MAPK8: variants seen among roughly 807,000 people sequenced by gnomAD.
MAPK8 encodes the protein JUN N-terminal kinase.
MAPK8 carries 13 observed loss-of-function variants against 52.9 expected under a neutral mutation model. That is an observed-to-expected ratio of 0.25 (90% CI 0.16 to 0.39). The LOEUF is 0.39. Ranked by LOEUF, MAPK8 falls within the 10% of genes least tolerant of loss-of-function variation. MAPK8 has a pLI of 1.00. For missense variants in MAPK8, 300 were observed against 519.2 expected (o/e 0.58, Z 4.10); for synonymous variants, 191 against 169.8 (o/e 1.12, Z -0.97).
intron 3 of MAPK8, among the ~76,000 whole-genome samples, chr10:48,406,176 G>T (rs2042459015): frequency 6.6e-6 from 1 of 152,168 alleles, no homozygotes; most frequent in Non-Finnish European, 1.5e-5. Context: ...CAGAGAGGAA[G>T]AATGACGTAA....
chr10:48,361,779 T>A lies in MAPK8; in HGVS notation c.-49-39833T>A, dbSNP rs568706908. Reference sequence around the variant, plus strand: ...TACATATAGGTCTTCCCTAAGGTGCTGTCCTTAGTCTGCATCTTTCTTCTT... The same window carrying A: ...TACATATAGGTCTTCCCTAAGGTGCAGTCCTTAGTCTGCATCTTTCTTCTT... On this transcript the variant is annotated intron_variant, in intron 1 of 11. Coordinates refer to ENST00000374189, the MANE Select transcript of MAPK8 (RefSeq NM_001323329.2). Among the ~76,000 whole-genome samples, 5 of 152,320 alleles carry A rather than the reference T, an allele frequency of 3.3e-5. No individual in the cohort carries two copies. In the East Asian group the frequency reaches 9.6e-4, roughly 29 times the overall value.
rs558540136 is a variant in MAPK8, at chr10:48,429,244, G to A, written c.1061-1949G>A. ...GTGCCACAAAGAAAAAAACACCTTC[G>A]GTTGTACAGCACCATTGGTTATAAG... On this transcript the variant is annotated intron_variant, in intron 10 of 11. Transcript: ENST00000374189. 5.5e-4 allele frequency among the ~76,000 whole-genome samples: 83 copies of A among 152,220 alleles called. 1 individual carries two copies. Among genetic ancestry groups the A allele is most frequent in the South Asian group, 1.2e-3 (6 of 4,828 alleles).
At chr10:48,339,860 C>T (rs954013511) in intron 1 of MAPK8, among the ~76,000 whole-genome samples, 1 of 152,196 alleles carries the variant, frequency 6.6e-6, no homozygotes, top group Non-Finnish European at 1.5e-5. Context: ...GATACCATCT[C>T]ATAGCAGTTA....
chr10:48,382,653 C>T (rs2132745964), intron 1 of MAPK8, among the ~76,000 whole-genome samples: 1 of 151,308 alleles, frequency 6.6e-6, no homozygotes, highest in East Asian at 1.9e-4. Context: ...TTAAGCTTTC[C>T]AAAAGGCCAA....
chr10:48,427,922 A>G (rs1413294714), intron 10 of MAPK8, among the ~76,000 whole-genome samples: 2 of 152,210 alleles, frequency 1.3e-5, no homozygotes, highest in Non-Finnish European at 2.9e-5. Flanking sequence ...GACCATTTAA[A>G]TTGTGTCCAG....
chr10:48,391,528 G>A (rs1280992523), intron 1 of MAPK8, among the ~76,000 whole-genome samples: 1 of 152,114 alleles, frequency 6.6e-6, no homozygotes, highest in East Asian at 1.9e-4. Flanking sequence ...GGTGAATGTG[G>A]AAAAACTCAA....
chr10:48,331,633 C>A (rs1378600137), intron 1 of MAPK8, among the ~76,000 whole-genome samples: 6 of 152,202 alleles, frequency 3.9e-5, no homozygotes, highest in African/African-American at 1.4e-4. Flanking sequence ...TTAATCAGCA[C>A]CAAGTTGCCA....
chr10:48,411,168 A>G (rs1386173174), intron 5 of MAPK8, among the ~76,000 whole-genome samples: 4 of 152,198 alleles, frequency 2.6e-5, no homozygotes, highest in South Asian at 4.1e-4. Flanking sequence ...TGCTTTTGGT[A>G]TCATGTATAA....
chr10:48,390,547 T>C (rs2041565446), intron 1 of MAPK8, among the ~76,000 whole-genome samples: 1 of 152,236 alleles, frequency 6.6e-6, no homozygotes, highest in African/African-American at 2.4e-5. Flanking sequence ...AAAGTCTGGC[T>C]ATATGGTTGC....
rs77510203 is a variant in MAPK8, at chr10:48,342,749, G to A, written c.-50+35928G>A. On this transcript the variant is annotated intron_variant, in intron 1 of 11. Transcript: ENST00000374189. ...TTCTACCGTTTGCTGAGACAACACC[G>A]GAAGAGGACCAGATTGGTTTTTGGA... is the stretch of plus-strand genomic sequence containing the variant. Among the ~76,000 whole-genome samples, 28 of 152,282 alleles carry A rather than the reference G, an allele frequency of 1.8e-4. No homozygotes were observed. In the East Asian group the frequency reaches 3.9e-3, roughly 21 times the overall value.
At chr10:48,384,083 C>T (rs758747721) in intron 1 of MAPK8, among the ~76,000 whole-genome samples, 3 of 152,116 alleles carry the variant, frequency 2.0e-5, no homozygotes, top group Non-Finnish European at 4.4e-5. Context: ...GAGATCCCGT[C>T]TCTACTAAAA....
intron 1 of MAPK8, among the ~76,000 whole-genome samples, chr10:48,372,169 A>G (rs955415095): frequency 2.0e-5 from 3 of 152,080 alleles, no homozygotes; most frequent in African/African-American, 7.2e-5. Context: ...AGGTTGGAGT[A>G]GGACCGAAAG....
chr10:48,308,979 G>A (rs2132046245), intron 1 of MAPK8, among the ~76,000 whole-genome samples: 1 of 152,290 alleles, frequency 6.6e-6, no homozygotes, highest in Admixed American at 6.5e-5. Context: ...CTGTAAAGTG[G>A]AAATGAAGAA....
intron 6 of MAPK8, among the ~76,000 whole-genome samples, 171 bp from the exon 7 acceptor site, chr10:48,423,917 G>C (rs918230845): frequency 6.6e-6 from 1 of 152,122 alleles, no homozygotes; most frequent in African/African-American, 2.4e-5. Context: ...TTGTGAACCA[G>C]ACTTTCAAAA....
intron 1 of MAPK8, among the ~76,000 whole-genome samples, chr10:48,387,043 G>A (rs951980721): frequency 1.3e-5 from 2 of 152,198 alleles, no homozygotes; most frequent in East Asian, 1.9e-4. Flanking sequence ...GCATCATTTT[G>A]TGGTTAGAAT....
chr10:48,365,947 G>A (rs1240561183), intron 1 of MAPK8, among the ~76,000 whole-genome samples: 1 of 152,076 alleles, frequency 6.6e-6, no homozygotes. Flanking sequence ...AGAATATATA[G>A]TAATTTACTG....
At chr10:48,422,529 A>G (rs1589259504) in intron 6 of MAPK8, among the ~76,000 whole-genome samples, 1 of 152,334 alleles carries the variant, frequency 6.6e-6, no homozygotes, top group East Asian at 1.9e-4. Flanking sequence ...TCATGCTTGC[A>G]GCTTTCAAAA....
chr10:48,339,595 T>G (rs960370448), intron 1 of MAPK8, among the ~76,000 whole-genome samples: 4 of 152,108 alleles, frequency 2.6e-5, no homozygotes, highest in Admixed American at 2.6e-4. Context: ...TTACAGAGCT[T>G]CTGCACAGCA....
At chr10:48,387,519 A>G (rs1487349490) in intron 1 of MAPK8, among the ~76,000 whole-genome samples, 6 of 152,170 alleles carry the variant, frequency 3.9e-5, no homozygotes, top group Non-Finnish European at 8.8e-5. Flanking sequence ...TATTTTTATA[A>G]GATTATAACC....
Sources: allele counts gnomAD v4.1 joint callset (sites outside exome capture counted in the v4.1 genomes callset), GRCh38; gene constraint gnomAD v4.1.1; transcripts MANE v1.5; gene names NCBI Gene and HGNC (gene_info 2026-07-23, HGNC 2026-07-21).